The following ENOX1 variants were observed in gnomAD, a reference collection of about 807,000 sequenced individuals.
ENOX1 encodes the protein candidate growth-related and time keeping constitutive hydroquinone (NADH) oxidase.
A neutral mutation model predicts 82.5 loss-of-function variants in ENOX1; 42 were observed. The observed-to-expected ratio is 0.51, with a 90% CI of 0.40 to 0.66. ENOX1 has a LOEUF of 0.66. ENOX1 is among the 30% of genes least tolerant of loss of function. ENOX1 has a pLI of 0.00. For missense variants in ENOX1, 608 were observed against 811.6 expected (o/e 0.75, Z 3.05); for synonymous variants, 271 against 282.2 (o/e 0.96, Z 0.40).
In ENOX1 at chr13:43,644,622, A is replaced by G. The variant is rs56320604; in HGVS notation, c.-219+22857T>C. ...CTTCAATATTCTCTTTACATTTTTA[A>G]AGGAAGGTAGCAGCTTCAAATAACT... is the stretch of plus-strand genomic sequence containing the variant. On this transcript the variant is annotated intron_variant, in intron 2 of 16. Transcript: ENST00000690772. 9.3e-3 allele frequency among the ~76,000 whole-genome samples: 1,415 copies of G among 152,318 alleles called. 25 individuals carry two copies. Among genetic ancestry groups the G allele is most frequent in the African/African-American group, 0.032 (1,349 of 41,576 alleles).
chr13:43,483,638 T>C (rs1157360021), intron 3 of ENOX1, among the ~76,000 whole-genome samples: 1 of 152,218 alleles, frequency 6.6e-6, no homozygotes, highest in African/African-American at 2.4e-5. Context: ...CGTTTCAAAA[T>C]ATAATTTATC....
intron 3 of ENOX1, among the ~76,000 whole-genome samples, chr13:43,483,119 A>G (rs1398744892): frequency 6.6e-6 from 1 of 152,232 alleles, no homozygotes; most frequent in African/African-American, 2.4e-5. Flanking sequence ...GGACAGAATA[A>G]AAGTACCACC....
chr13:43,302,819 T>C (rs1262820625), intron 11 of ENOX1, among the ~76,000 whole-genome samples: 1 of 152,190 alleles, frequency 6.6e-6, no homozygotes, highest in African/African-American at 2.4e-5. Context: ...AGCCTTGAAA[T>C]CTCTTTTACC....
At chr13:43,508,222 C>T (rs2077243528) in intron 2 of ENOX1, among the ~76,000 whole-genome samples, 1 of 151,942 alleles carries the variant, frequency 6.6e-6, no homozygotes. Flanking sequence ...TATAGATGGG[C>T]TGGAGGGAAC....
At chr13:43,729,859 G>C (rs1342933548) in intron 1 of ENOX1, among the ~76,000 whole-genome samples, 1 of 152,190 alleles carries the variant, frequency 6.6e-6, no homozygotes, top group African/African-American at 2.4e-5. Flanking sequence ...CTGGATCTCT[G>C]TACCATTCCA....
At chr13:43,578,113 C>T (rs115866997) in intron 2 of ENOX1, among the ~76,000 whole-genome samples, 1,598 of 152,176 alleles carry the variant, frequency 0.011, 31 homozygotes, top group African/African-American at 0.037. Flanking sequence ...CTTTACCTGA[C>T]GACACACGAC....
At chr13:43,645,014 G>T (rs1427884853) in intron 2 of ENOX1, among the ~76,000 whole-genome samples, 1 of 152,018 alleles carries the variant, frequency 6.6e-6, no homozygotes, top group Non-Finnish European at 1.5e-5. Context: ...CATAACTAAA[G>T]ATAACATATT....
chr13:43,465,997 C>G (rs1424466185), intron 3 of ENOX1, among the ~76,000 whole-genome samples: 1 of 152,148 alleles, frequency 6.6e-6, no homozygotes, highest in Non-Finnish European at 1.5e-5. Context: ...CTGTTTTCAT[C>G]AAATCATTTC....
Position 43,521,335 on chromosome 13 carries a change from G to A in ENOX1, c.-218-37183C>T, listed in dbSNP as rs4473068. The stretch of plus-strand genomic sequence containing the variant: ...GATGTATCTGGGTACAACCCGATGT[G>A]ATGACACATATTGTGCAGGGTACTA... On this transcript the variant is annotated intron_variant, in intron 2 of 16. Coordinates refer to ENST00000690772, the MANE Select transcript of ENOX1 (RefSeq NM_001347969.2). 7.5e-3 allele frequency among the ~76,000 whole-genome samples: 1,142 copies of A among 152,238 alleles called. 11 individuals are homozygous for A. Among genetic ancestry groups the A allele is most frequent in the African/African-American group, 0.025 (1,054 of 41,562 alleles).
intron 2 of ENOX1, among the ~76,000 whole-genome samples, chr13:43,489,970 G>A (rs1229687746): frequency 3.3e-5 from 5 of 151,958 alleles, no homozygotes; most frequent in Admixed American, 6.6e-5. Flanking sequence ...ACAGAATGTC[G>A]CTCTGTCACG....
chr13:43,727,467 T>C (rs906726540), intron 1 of ENOX1, among the ~76,000 whole-genome samples: 1 of 152,176 alleles, frequency 6.6e-6, no homozygotes, highest in African/African-American at 2.4e-5. Flanking sequence ...ATCCTTACAA[T>C]GTTGTTCCAG....
At chr13:43,763,603 A>G (rs1951110874) in intron 1 of ENOX1, among the ~76,000 whole-genome samples, 2 of 152,176 alleles carry the variant, frequency 1.3e-5, no homozygotes, top group African/African-American at 4.8e-5. Flanking sequence ...CTACAACCCC[A>G]ACCTCAGTTC....
intron 3 of ENOX1, among the ~76,000 whole-genome samples, chr13:43,417,213 ACGGGAGACGGGAGACGGGAGACGGGAGAC>A (rs2054655580): frequency 1.2e-5 from 1 of 85,038 alleles, no homozygotes; most frequent in Admixed American, 1.5e-4. Context: ...GAGACGGGAG[ACGGGAGACGGGAGACGGGAGACGGGAGAC>A]GGGAGAGGGA....
chr13:43,338,563 G>T (rs1005676161), intron 9 of ENOX1, among the ~76,000 whole-genome samples: 28 of 151,780 alleles, frequency 1.8e-4, no homozygotes, highest in Admixed American at 3.3e-4. Context: ...GCCACAGCAG[G>T]ATAGACGATG....
At chr13:43,321,080 C>A (rs1313010278) in intron 11 of ENOX1, 1 of 456,068 alleles carries the variant, frequency 2.2e-6, no homozygotes, top group Non-Finnish European at 4.4e-6. Context: ...TGGCATGGTG[C>A]CTACTTGTAT....
At chr13:43,322,623 T>C (rs1593926573) in intron 10 of ENOX1, 122 bp from the exon 11 acceptor site, 3 of 777,904 alleles carry the variant, frequency 3.9e-6, no homozygotes, top group Admixed American at 4.8e-5. Flanking sequence ...CTCCCAAATA[T>C]AGCCTCACCT....
At chr13:43,701,205 T>A (rs1290339483) in intron 1 of ENOX1, among the ~76,000 whole-genome samples, 1 of 152,198 alleles carries the variant, frequency 6.6e-6, no homozygotes, top group Non-Finnish European at 1.5e-5. Flanking sequence ...TGAAATTTCC[T>A]CAATAAAGAG....
chr13:43,664,297 A>G (rs1475999666), intron 2 of ENOX1, among the ~76,000 whole-genome samples: 1 of 152,222 alleles, frequency 6.6e-6, no homozygotes, highest in Non-Finnish European at 1.5e-5. Flanking sequence ...TAGAGAATGC[A>G]AAATGGAGTA....
At chr13:43,492,077 G>A (rs1471784218) in intron 2 of ENOX1, among the ~76,000 whole-genome samples, 2 of 152,166 alleles carry the variant, frequency 1.3e-5, no homozygotes, top group East Asian at 3.9e-4. Context: ...CTCTTGCCCT[G>A]TTTCTCTGAT....
Sources: gnomAD v4.1 joint callset for allele counts (sites outside exome capture counted in the v4.1 genomes callset) on GRCh38, gnomAD v4.1.1 for gene constraint, MANE v1.5 for transcripts, NCBI Gene and HGNC (gene_info 2026-07-23, HGNC 2026-07-21) for gene names.